ATP10B: variants seen among roughly 807,000 people sequenced by gnomAD.
ATP10B encodes ATPase phospholipid transporting 10B (putative).
In ATP10B, 122 loss-of-function variants were observed where a neutral mutation model predicts 141.2. The observed-to-expected ratio is 0.86, with a 90% CI of 0.75 to 1.00. The LOEUF is 1.00. ATP10B is among the 50% of genes least tolerant of loss of function. The probability of loss-of-function intolerance (pLI) is 0.00; values close to 1 mark genes in which losing one functional copy is unlikely to be tolerated. For missense variants in ATP10B, 1,876 were observed against 1,825.3 expected, an observed-to-expected ratio of 1.03 and a Z score of -0.51; for synonymous variants, 685 against 692.0, an observed-to-expected ratio of 0.99 and a Z score of 0.16.
At chr5:160,772,597 C>T (rs191649051) in intron 2 of ATP10B, among the ~76,000 whole-genome samples, 45 of 152,274 alleles carry the variant, frequency 3.0e-4, no homozygotes, top group Admixed American at 7.8e-4. Context: ...TTGTAAGGAG[C>T]GAGCAACCTA....
chr5:160,886,060 T>G, the ATP10B span, among the ~76,000 whole-genome samples: 1 of 152,202 alleles, frequency 6.6e-6, no homozygotes, highest in Non-Finnish European at 1.5e-5. Flanking sequence ...TTCTTTTCCA[T>G]GAATGTTTGA....
chr5:160,917,827 C>T, the ATP10B span, among the ~76,000 whole-genome samples: 1 of 152,194 alleles, frequency 6.6e-6, no homozygotes, highest in South Asian at 2.1e-4. Flanking sequence ...TCCTTTGCTG[C>T]CTCAGCAGTT....
intron 6 of ATP10B, among the ~76,000 whole-genome samples, chr5:160,678,337 G>A (rs6862022): frequency 0.85 from 128,667 of 152,094 alleles, 54,572 homozygotes; most frequent in East Asian, 0.9. Flanking sequence ...GCATTGAAAA[G>A]GTTAAGCTTG....
intron 2 of ATP10B, among the ~76,000 whole-genome samples, chr5:160,750,167 C>T (rs892388555): frequency 2.0e-5 from 3 of 152,184 alleles, no homozygotes; most frequent in Admixed American, 1.3e-4. Flanking sequence ...CATGAAATCT[C>T]ATTCTATAAT....
chr5:160,828,184 G>A (rs903416681), intron 1 of ATP10B, among the ~76,000 whole-genome samples: 2 of 152,062 alleles, frequency 1.3e-5, no homozygotes, highest in African/African-American at 4.8e-5. Context: ...CAAAAGCAAT[G>A]GCAACAGAAG....
chr5:160,882,103 A>C, the ATP10B span, among the ~76,000 whole-genome samples: 2 of 152,208 alleles, frequency 1.3e-5, no homozygotes, highest in Non-Finnish European at 2.9e-5. Flanking sequence ...GGGGAGGAGG[A>C]GGCAAGGAAT....
the ATP10B span, among the ~76,000 whole-genome samples, chr5:160,925,916 T>G: frequency 6.6e-6 from 1 of 152,196 alleles, no homozygotes; most frequent in Admixed American, 6.5e-5. Flanking sequence ...AGGCCTCATC[T>G]CATCAGATAA....
chr5:160,723,978 C>T (rs561196484), intron 2 of ATP10B, among the ~76,000 whole-genome samples: 10 of 152,170 alleles, frequency 6.6e-5, no homozygotes, highest in Admixed American at 2.0e-4. Context: ...ATGTCCTTTG[C>T]GGGGACATGG....
chr5:160,652,930 T>C (rs1255562968), intron 7 of ATP10B, among the ~76,000 whole-genome samples: 2 of 85,732 alleles, frequency 2.3e-5, no homozygotes, highest in Non-Finnish European at 4.1e-5. Flanking sequence ...TAATATATTA[T>C]ATATACATGT....
intron 24 of ATP10B, among the ~76,000 whole-genome samples, chr5:160,583,466 C>A (rs1319511091): frequency 6.6e-6 from 1 of 152,336 alleles, no homozygotes; most frequent in South Asian, 2.1e-4. Flanking sequence ...GGGGCACCCA[C>A]CAGATGCCAG....
At chr5:160,749,117 A>G (rs908601233) in intron 2 of ATP10B, among the ~76,000 whole-genome samples, 1 of 152,184 alleles carries the variant, frequency 6.6e-6, no homozygotes, top group African/African-American at 2.4e-5. Flanking sequence ...GAAGTGAGTT[A>G]TTAGTATTAC....
intron 23 of ATP10B, 36 bp downstream of exon 23, chr5:160,591,016 TTCTCTGC>T (rs758820303): frequency 1.3e-6 from 2 of 1,536,396 alleles, no homozygotes; most frequent in East Asian, 4.5e-5. Context: ...GGACCAGTTC[TTCTCTGC>T]AATTTATGTG....
intron 1 of ATP10B, among the ~76,000 whole-genome samples, chr5:160,807,708 A>G (rs1311155485): frequency 1.3e-5 from 2 of 152,194 alleles, no homozygotes; most frequent in Non-Finnish European, 2.9e-5. Flanking sequence ...TAAAAACAGA[A>G]CTATTTGATC....
At chr5:160,829,777 G>A (rs929740631) in intron 1 of ATP10B, among the ~76,000 whole-genome samples, 1 of 151,976 alleles carries the variant, frequency 6.6e-6, no homozygotes, top group Non-Finnish European at 1.5e-5. Context: ...GTATAGAAAC[G>A]CTACTGATTT....
At chr5:160,683,049 A>ACC in intron 6 of ATP10B, among the ~76,000 whole-genome samples, 3 of 150,652 alleles carry the variant, frequency 2.0e-5, no homozygotes, top group Admixed American at 6.6e-5. Flanking sequence ...CCAAAAAAAA[A>ACC]AAAAAAAAAA....
At chr5:160,739,268 G>A (rs1034899624) in intron 2 of ATP10B, among the ~76,000 whole-genome samples, 5 of 152,084 alleles carry the variant, frequency 3.3e-5, no homozygotes, top group African/African-American at 1.2e-4. Flanking sequence ...TTAAGGTCAG[G>A]AACAAGGCAA....
At chr5:160,792,435 G>A (rs185240208) in intron 1 of ATP10B, among the ~76,000 whole-genome samples, 2 of 152,240 alleles carry the variant, frequency 1.3e-5, no homozygotes, top group South Asian at 2.1e-4. Context: ...TCTCTTTTGT[G>A]GTTACGTGGA....
intron 7 of ATP10B, among the ~76,000 whole-genome samples, chr5:160,663,820 A>C (rs182141060): frequency 6.6e-6 from 1 of 152,268 alleles, no homozygotes; most frequent in Admixed American, 6.5e-5. Flanking sequence ...AAAAGCAAAC[A>C]AACAAACCAA....
At chr5:160,835,479 A>G (rs1014216177) in intron 1 of ATP10B, among the ~76,000 whole-genome samples, 1 of 151,954 alleles carries the variant, frequency 6.6e-6, no homozygotes, top group Non-Finnish European at 1.5e-5. Flanking sequence ...GTTCTCTGGG[A>G]CCTCCCACCT....
Sources: gnomAD v4.1 joint callset for allele counts (sites outside exome capture counted in the v4.1 genomes callset) on GRCh38, gnomAD v4.1.1 for gene constraint, MANE v1.5 for transcripts, NCBI Gene and HGNC (gene_info 2026-07-23, HGNC 2026-07-21) for gene names.